NXPH1: variants seen among roughly 807,000 people sequenced by gnomAD.
The protein encoded by NXPH1 is neurexophilin-1.
Under a neutral mutation model 23.7 loss-of-function variants are expected in NXPH1, and 5 were observed. The ratio of observed to expected loss-of-function variants is 0.21; its 90% CI spans 0.11 to 0.44. The LOEUF (loss-of-function observed/expected upper bound fraction) is 0.44, where lower values mean the gene tolerates loss of function less well. Among genes scored for constraint, NXPH1 ranks in the 20% least tolerant of loss-of-function variants. NXPH1 has a pLI of 0.99. For synonymous variants in NXPH1, 144 were observed against 122.2 expected (o/e 1.18, Z -1.18); for missense variants, 324 against 321.6 (o/e 1.01, Z -0.06).
At chr7:8,657,334 T>C (rs1820599432) in intron 2 of NXPH1, among the ~76,000 whole-genome samples, 1 of 152,176 alleles carries the variant, frequency 6.6e-6, no homozygotes, top group African/African-American at 2.4e-5. Context: ...GTCAGGGCGG[T>C]TGGATTTGAT....
intron 2 of NXPH1, among the ~76,000 whole-genome samples, chr7:8,583,530 C>T (rs980290351): frequency 3.9e-5 from 6 of 151,986 alleles, no homozygotes; most frequent in African/African-American, 7.3e-5. Context: ...TTATTATTAC[C>T]CCATTATTAC....
In NXPH1 at chr7:8,658,076, G is replaced by A. The variant is rs1820610500; in HGVS notation, c.55-92932G>A. Among the ~76,000 whole-genome samples the A allele has an allele frequency of 2.6e-5, 4 of 152,096 alleles. No homozygotes were observed. The South Asian group carries it at 8.3e-4, about 32-fold the overall frequency. On this transcript the variant is annotated intron_variant, in intron 2 of 2. Transcript: ENST00000405863. ...AAGCAACACTGTTTTTTGAAGGAAG[G>A]ACAAATTCAGTGAAATGCAATAATT...
chr7:8,745,368 T>C (rs1343980765), intron 2 of NXPH1, among the ~76,000 whole-genome samples: 2 of 146,424 alleles, frequency 1.4e-5, no homozygotes, highest in Non-Finnish European at 3.0e-5. Context: ...TCTCTTAGCA[T>C]GGTCTCACTT....
intron 2 of NXPH1, among the ~76,000 whole-genome samples, chr7:8,584,946 A>G (rs1818952292): frequency 6.6e-6 from 1 of 152,236 alleles, no homozygotes; most frequent in African/African-American, 2.4e-5. Context: ...AACCAGGACT[A>G]TCGATATCTC....
chr7:8,615,404 T>A (rs766526493), intron 2 of NXPH1, among the ~76,000 whole-genome samples: 1 of 151,984 alleles, frequency 6.6e-6, no homozygotes, highest in Non-Finnish European at 1.5e-5. Flanking sequence ...GTTGAGAGGA[T>A]TCGATGGGAT....
chr7:8,466,608 T>A (rs1284239312), intron 2 of NXPH1, among the ~76,000 whole-genome samples: 4 of 152,198 alleles, frequency 2.6e-5, no homozygotes, highest in Non-Finnish European at 5.9e-5. Context: ...TAACGTATTC[T>A]TAGTTTTTAG....
chr7:8,435,432 C>A lies in NXPH1; in HGVS notation c.-110-172C>A, dbSNP rs1816174451. ...CCCGCCCGCCTCCCCAGCTGCGGAC[C>A]GCGCGCTTGCTGGTCTCAGGCGCTG... On this transcript the variant is annotated intron_variant, in intron 1 of 2. Transcript: ENST00000405863. This position sits in a 1 kb window ranked among gnomAD's most constrained non-coding sequence, Gnocchi z 5.9. The A allele has an allele frequency of 7.8e-6, 4 of 513,630 alleles. No individual in the cohort carries two copies. Among genetic ancestry groups the A allele is most frequent in the South Asian group, 6.7e-5 (3 of 44,902 alleles). 31.8% of individuals were successfully genotyped at this position (513,630 alleles called of 1,614,324 possible). A position where few individuals can be genotyped will look rare whatever the true frequency, so the allele number is the denominator to read the frequency against.
At chr7:8,545,803 C>T (rs1818189516) in intron 2 of NXPH1, among the ~76,000 whole-genome samples, 1 of 151,418 alleles carries the variant, frequency 6.6e-6, no homozygotes, top group Non-Finnish European at 1.5e-5. Context: ...TTTCTTAATC[C>T]ATGGCAACTA....
chr7:8,542,140 G>A (rs1419412854), intron 2 of NXPH1, among the ~76,000 whole-genome samples: 2 of 151,006 alleles, frequency 1.3e-5, no homozygotes, highest in Non-Finnish European at 3.0e-5. Flanking sequence ...AGAAAAAAAA[G>A]AAAAAATATA....
intron 2 of NXPH1, among the ~76,000 whole-genome samples, chr7:8,582,386 G>C (rs1424739589): frequency 6.6e-6 from 1 of 152,162 alleles, no homozygotes; most frequent in Non-Finnish European, 1.5e-5. Context: ...GGAAGAATGA[G>C]GTATGTGCAC....
rs1045091163 is a variant in NXPH1, at chr7:8,451,948, A to G, written c.54+16181A>G. On this transcript the variant is annotated intron_variant, in intron 2 of 2. Coordinates refer to ENST00000405863, the MANE Select transcript of NXPH1 (RefSeq NM_152745.3). The stretch of plus-strand genomic sequence containing the variant: ...GGGTTCACCATGGTATGTCTCATGG[A>G]ACATAGCCCAAACTCTTTTCCTTAA... Among the ~76,000 whole-genome samples, 10 of 152,356 alleles carry G rather than the reference A, an allele frequency of 6.6e-5. No homozygotes were observed. The South Asian group carries it at 2.1e-3, about 32-fold the overall frequency.
intron 2 of NXPH1, among the ~76,000 whole-genome samples, chr7:8,525,923 C>T (rs1318778290): frequency 6.6e-6 from 1 of 152,188 alleles, no homozygotes; most frequent in Non-Finnish European, 1.5e-5. Flanking sequence ...TTGGAGCCCC[C>T]ACACAGAGTC....
At chr7:8,506,944 G>A (rs1817536605) in intron 2 of NXPH1, among the ~76,000 whole-genome samples, 1 of 152,002 alleles carries the variant, frequency 6.6e-6, no homozygotes, top group Non-Finnish European at 1.5e-5. Context: ...CTTTCAGTGT[G>A]TGTATTTTCA....
chr7:8,709,519 G>C (rs901323070), intron 2 of NXPH1, among the ~76,000 whole-genome samples: 1 of 151,926 alleles, frequency 6.6e-6, no homozygotes, highest in African/African-American at 2.4e-5. Context: ...GAAGATTTTT[G>C]AGGCACTCTG....
chr7:8,532,500 G>C (rs1325504715), intron 2 of NXPH1, among the ~76,000 whole-genome samples: 1 of 151,376 alleles, frequency 6.6e-6, no homozygotes, highest in Non-Finnish European at 1.5e-5. Context: ...TTTTTACAGG[G>C]CTCTGAATAA....
chr7:8,555,000 C>T (rs780195372), intron 2 of NXPH1, among the ~76,000 whole-genome samples: 13 of 151,688 alleles, frequency 8.6e-5, no homozygotes, highest in Non-Finnish European at 1.5e-4. Context: ...ATGTCATCTT[C>T]TGCCAGAGCT....
intron 2 of NXPH1, among the ~76,000 whole-genome samples, chr7:8,649,475 C>A (rs1424630400): frequency 1.3e-5 from 2 of 152,186 alleles, no homozygotes; most frequent in Non-Finnish European, 2.9e-5. Flanking sequence ...TATACTCTTA[C>A]ACACACATCC....
intron 2 of NXPH1, among the ~76,000 whole-genome samples, chr7:8,732,877 A>C (rs554183111): frequency 1.3e-5 from 2 of 152,196 alleles, no homozygotes; most frequent in African/African-American, 4.8e-5. Context: ...ATAATTTTTT[A>C]AATTTTTAAA....
intron 2 of NXPH1, among the ~76,000 whole-genome samples, chr7:8,492,802 A>G (rs1238415304): frequency 2.6e-5 from 4 of 152,046 alleles, no homozygotes; most frequent in Non-Finnish European, 5.9e-5. Flanking sequence ...CTGAAACTGC[A>G]CAATGAGCCT....
Sources: allele counts gnomAD v4.1 joint callset (sites outside exome capture counted in the v4.1 genomes callset), GRCh38; gene constraint gnomAD v4.1.1; non-coding constraint Gnocchi (gnomAD v3.1); transcripts MANE v1.5; gene names NCBI Gene and HGNC (gene_info 2026-07-23, HGNC 2026-07-21).